Variants in NBPF14 observed in about 807,000 individuals in gnomAD.
NBPF14 encodes the protein NBPF member 14, also known as NBPF family member NBPF14.
In NBPF14, 104 loss-of-function variants were observed where a neutral mutation model predicts 91.2. The observed-to-expected ratio is 1.14, with a 90% confidence interval of 0.97 to 1.34. NBPF14 has a LOEUF of 1.34. NBPF14 is among the 40% of genes most tolerant of loss of function. The pLI is 0.00. For missense variants in NBPF14, 908 were observed against 783.0 expected (o/e 1.16, Z -1.91); for synonymous variants, 294 against 303.8 (o/e 0.97, Z 0.34).
intron 59 of NBPF14, among the ~76,000 whole-genome samples, chr1:148,542,080 C>G (rs1655620467): frequency 1.0e-5 from 1 of 95,688 alleles, no homozygotes; most frequent in African/African-American, 8.4e-5. Flanking sequence ...TCATTTGTCC[C>G]AAGTTTGTGC....
rs1467352907 is a variant in NBPF14, at chr1:148,534,182, T to C, written c.8615-213A>G. ...TGTGGGTAAAATGTCCCTATTCTAG[T>C]AGATCGTTATCCCAATATCATTTGT... On this transcript the variant is annotated intron_variant, in intron 69 of 70. Coordinates refer to ENST00000619423, the Ensembl canonical transcript of NBPF14. 2.7e-5 allele frequency among the ~76,000 whole-genome samples: 4 copies of C among 150,050 alleles called. No homozygotes were observed. In the South Asian group the frequency reaches 6.3e-4, roughly 24 times the overall value.
intron 69 of NBPF14, among the ~76,000 whole-genome samples, chr1:148,534,465 A>T (rs1396847391): frequency 2.6e-5 from 4 of 151,742 alleles, no homozygotes; most frequent in African/African-American, 9.7e-5. Flanking sequence ...AGGGCGCCAC[A>T]GGTATGGCCT....
chr1:148,533,527 G>C (rs1364369772), intron 70 of NBPF14, among the ~76,000 whole-genome samples: 2 of 150,698 alleles, frequency 1.3e-5, no homozygotes, highest in Admixed American at 6.7e-5. Context: ...GGAGTCAAAG[G>C]ACACTCTGAG....
At position 148,575,683 on chromosome 1, in the gene NBPF14, T is replaced by TAA. The variant is rs1659579045; in HGVS notation, c.2205_2206dup (p.Tyr736PhefsTer42). On this transcript the variant is annotated frameshift_variant, in exon 17 of 71. Coordinates refer to ENST00000619423, the Ensembl canonical transcript of NBPF14. LOFTEE classifies it high-confidence loss of function. ...GCCAAGGTACTGTTCCTCCAATGAG[T>TAA]AAACAGCACTGCTGTAGGGCTGGCC... 1 of 189,494 alleles carries TAA rather than the reference T, an allele frequency of 5.3e-6. No homozygotes were observed. Among genetic ancestry groups the TAA allele is most frequent in the Admixed American group, 9.5e-5 (1 of 10,522 alleles). The allele number at this position is 189,494 out of a possible 1,614,324, so 11.7% of individuals were successfully genotyped here.
Position 148,557,592 on chromosome 1 carries a change from C to T in NBPF14, c.4955-50G>A, listed in dbSNP as rs1488444225. The T allele has an allele frequency of 8.1e-6, 5 of 615,778 alleles. 1 individual carries two copies. The East Asian group carries it at 1.3e-4, about 17-fold the overall frequency. 38.1% of individuals were successfully genotyped at this position (615,778 alleles called of 1,614,324 possible). ...GACAAAATAAGCCAATTCACCTACA[C>T]CCATAACAGTCCACTGTCTAATCCC... is the stretch of plus-strand genomic sequence containing the variant. On this transcript the variant is annotated intron_variant, in intron 39 of 70. Coordinates refer to ENST00000619423, the Ensembl canonical transcript of NBPF14.
chr1:148,558,093 C>A (rs1657005923), intron 39 of NBPF14, among the ~76,000 whole-genome samples, 159 bp downstream of exon 39: 1 of 16,896 alleles, frequency 5.9e-5, no homozygotes, highest in Non-Finnish European at 9.6e-5. Context: ...GTCTAGGCTT[C>A]CAACTGAGAC....
intron 59 of NBPF14, among the ~76,000 whole-genome samples, chr1:148,542,161 G>C (rs1432132761): frequency 9.5e-6 from 1 of 104,756 alleles, no homozygotes. Flanking sequence ...GAGAAAAACT[G>C]CAATATTTAG....
At chr1:148,533,760 C>G (rs1239263276) in intron 70 of NBPF14, 101 bp downstream of exon 70, 15 of 761,258 alleles carry the variant, frequency 2.0e-5, no homozygotes, top group East Asian at 4.9e-5. Flanking sequence ...AGTAATTCAG[C>G]CTTTGTTGAA....
intron 3 of NBPF14, 97 bp downstream of exon 3, chr1:148,593,501 C>G: frequency 1.4e-6 from 1 of 709,264 alleles, no homozygotes; most frequent in South Asian, 1.7e-5. Context: ...CTGCCCTTCC[C>G]CTGGCCCAGC....
chr1:148,591,319 T>A lies in NBPF14; in HGVS notation c.566+113A>T, dbSNP rs2149580571. 9 of 1,438,030 alleles carry A rather than the reference T, an allele frequency of 6.3e-6. No homozygotes were observed. In the East Asian group the frequency reaches 1.8e-4, roughly 29 times the overall value. 89.1% of individuals were successfully genotyped at this position (1,438,030 alleles called of 1,614,324 possible). On this transcript the variant is annotated intron_variant, in intron 5 of 70. Coordinates refer to ENST00000619423, the Ensembl canonical transcript of NBPF14. ...CTAAGCTGGGTTGAATTTCACATAC[T>A]GTGGCCAAGGGAATGCGGGCATTTG... is the stretch of plus-strand genomic sequence containing the variant.
chr1:148,576,077 T>G (rs1490712924), intron 16 of NBPF14, among the ~76,000 whole-genome samples: 38 of 140,202 alleles, frequency 2.7e-4, no homozygotes, highest in Admixed American at 2.1e-4. Flanking sequence ...ATGAAGGGGT[T>G]AAAGGACACT....
At chr1:148,559,452 G>A (rs1425422518) in intron 37 of NBPF14, among the ~76,000 whole-genome samples, 1 of 132,538 alleles carries the variant, frequency 7.5e-6, no homozygotes, top group Non-Finnish European at 1.5e-5. Flanking sequence ...GAGGATTTCA[G>A]ACGCTGAAAT....
intron 16 of NBPF14, among the ~76,000 whole-genome samples, chr1:148,576,181 T>C (rs1488623169): frequency 2.9e-5 from 3 of 104,698 alleles, no homozygotes; most frequent in African/African-American, 1.8e-4. Flanking sequence ...TTCCATGCAG[T>C]TGCCATACAG....
intron 39 of NBPF14, among the ~76,000 whole-genome samples, chr1:148,557,790 A>C: frequency 8.7e-6 from 1 of 115,208 alleles, no homozygotes; most frequent in South Asian, 3.2e-4. Context: ...AGTTTGTGCA[A>C]ACAGTTATGC....
rs1662188945 is a variant in NBPF14, at chr1:148,589,995, G to A, written c.779-602C>T. On this transcript the variant is annotated intron_variant, in intron 6 of 70. Coordinates refer to ENST00000619423, the Ensembl canonical transcript of NBPF14. ...GTTCCGCCCACCTCAGCCTCCCAAAGTGCTGGGATTAAGATGTGAGCCAGC... is the reference window on the plus strand; with the variant it reads ...GTTCCGCCCACCTCAGCCTCCCAAAATGCTGGGATTAAGATGTGAGCCAGC... 1.4e-5 allele frequency among the ~76,000 whole-genome samples: 2 copies of A among 143,842 alleles called. 1 individual carries two copies. Among genetic ancestry groups the A allele is most frequent in the South Asian group, 4.6e-4 (2 of 4,394 alleles). 94.4% of individuals were successfully genotyped at this position (143,842 alleles called of 152,430 possible).
chr1:148,557,674 T>A, intron 39 of NBPF14, 132 bp from the exon 40 acceptor site: 1 of 614,954 alleles, frequency 1.6e-6, no homozygotes, highest in South Asian at 1.7e-5. Flanking sequence ...GAGATATACT[T>A]CAGGAGGCCT....
chr1:148,534,938 A>G (rs1271712820), intron 68 of NBPF14, 82 bp from the exon 69 acceptor site: 7 of 746,644 alleles, frequency 9.4e-6, no homozygotes, highest in African/African-American at 7.9e-5. Flanking sequence ...TGGCTAACAT[A>G]AGGAACAGTT....
intron 69 of NBPF14, among the ~76,000 whole-genome samples, 171 bp from the exon 70 acceptor site, chr1:148,534,140 GT>G (rs2149469044): frequency 6.8e-6 from 1 of 146,728 alleles, no homozygotes; most frequent in East Asian, 2.0e-4. Context: ...AAATTCCTCG[GT>G]TTTTCTCCCA....
At chr1:148,534,157 T>C (rs1446791961) in intron 69 of NBPF14, among the ~76,000 whole-genome samples, 188 bp from the exon 70 acceptor site, 23 of 148,108 alleles carry the variant, frequency 1.6e-4, no homozygotes, top group African/African-American at 4.7e-4. Context: ...TCCCAGAAAC[T>C]GTGGGTAAAA....
Sources: gnomAD v4.1 joint callset for allele counts (sites outside exome capture counted in the v4.1 genomes callset) on GRCh38, gnomAD v4.1.1 for gene constraint, MANE v1.5 for transcripts, NCBI Gene and HGNC (gene_info 2026-07-23, HGNC 2026-07-21) for gene names.